EYS: variants seen among roughly 807,000 people sequenced by gnomAD.
EYS encodes the protein EGF-like photoreceptor maintenance factor.
In EYS, 250 loss-of-function variants were observed where a neutral mutation model predicts 282.1. The observed-to-expected ratio is 0.89, with a 90% CI of 0.80 to 0.98. The LOEUF is 0.98. EYS is among the 50% of genes least tolerant of loss of function. The pLI, the probability that EYS is intolerant of heterozygous loss-of-function variation, is 0.00. For missense variants in EYS, 4,016 were observed against 3,709.0 expected (o/e 1.08, Z -2.15); for synonymous variants, 1,355 against 1,282.9 (o/e 1.06, Z -1.20).
At chr6:65,605,738 C>T (rs1765764646) in intron 2 of EYS, among the ~76,000 whole-genome samples, 2 of 151,290 alleles carry the variant, frequency 1.3e-5, no homozygotes, top group South Asian at 4.2e-4. Context: ...TATTTATGGA[C>T]ATAAAAAGAT....
In EYS at chr6:64,158,831, T is replaced by G. The variant is rs549939265; in HGVS notation, c.6424+71761A>C. ...TTCTGACTTCTGCTATGTTTTGCAC[T>G]ATAGTACTTGAAGAAGAGATGGCAT... On this transcript the variant is annotated intron_variant, in intron 31 of 42. Coordinates refer to ENST00000503581, the MANE Select transcript of EYS (RefSeq NM_001142800.2). Among the ~76,000 whole-genome samples, 34 of 152,370 alleles carry G rather than the reference T, an allele frequency of 2.2e-4. No homozygotes were observed. In the East Asian group the frequency reaches 6.0e-3, roughly 27 times the overall value.
At chr6:65,237,049 G>T (rs746646642) in intron 12 of EYS, among the ~76,000 whole-genome samples, 8 of 152,006 alleles carry the variant, frequency 5.3e-5, no homozygotes, top group Non-Finnish European at 8.8e-5. Flanking sequence ...ATATTAACAC[G>T]TTTTTACATT....
intron 28 of EYS, among the ~76,000 whole-genome samples, chr6:64,411,980 T>A (rs1314314540): frequency 6.6e-6 from 1 of 151,484 alleles, no homozygotes; most frequent in Non-Finnish European, 1.5e-5. Flanking sequence ...CAAGTATATA[T>A]AAAATGATAA....
intron 26 of EYS, among the ~76,000 whole-genome samples, chr6:64,583,728 G>T (rs1324918782): frequency 6.6e-6 from 1 of 152,004 alleles, no homozygotes; most frequent in Non-Finnish European, 1.5e-5. Context: ...CTGGGAGGCA[G>T]AGGTTGCAGT....
At chr6:64,623,614 C>A (rs991845183) in intron 23 of EYS, among the ~76,000 whole-genome samples, 1 of 151,890 alleles carries the variant, frequency 6.6e-6, no homozygotes, top group African/African-American at 2.4e-5. Flanking sequence ...ATACACGAGA[C>A]AGAGGTGCTG....
At chr6:65,010,191 G>A (rs1007673274) in intron 13 of EYS, among the ~76,000 whole-genome samples, 8 of 152,296 alleles carry the variant, frequency 5.3e-5, no homozygotes, top group African/African-American at 1.9e-4. Flanking sequence ...GCAACCTGTG[G>A]CATACCTGAG....
At chr6:64,110,397 A>G (rs1239039639) in intron 31 of EYS, among the ~76,000 whole-genome samples, 2 of 152,010 alleles carry the variant, frequency 1.3e-5, no homozygotes, top group Admixed American at 1.3e-4. Context: ...GGATGGATAT[A>G]CCATGTTATA....
chr6:64,233,438 A>G (rs1385999153), intron 30 of EYS, among the ~76,000 whole-genome samples: 2 of 152,222 alleles, frequency 1.3e-5, no homozygotes, highest in East Asian at 3.8e-4. Flanking sequence ...AAATTAGTTC[A>G]CACTGCTAAA....
At chr6:64,972,435 C>T (rs1353910711) in intron 14 of EYS, among the ~76,000 whole-genome samples, 1 of 151,990 alleles carries the variant, frequency 6.6e-6, no homozygotes, top group East Asian at 1.9e-4. Flanking sequence ...CCTCTCCTTC[C>T]ACCTCTTCCA....
At chr6:64,978,185 C>G (rs1483457468) in intron 14 of EYS, among the ~76,000 whole-genome samples, 1 of 151,896 alleles carries the variant, frequency 6.6e-6, no homozygotes, top group Non-Finnish European at 1.5e-5. Context: ...CTTCAGAGGA[C>G]AAGCTGACAC....
intron 31 of EYS, among the ~76,000 whole-genome samples, chr6:64,209,769 C>T (rs1441115706): frequency 6.6e-6 from 1 of 152,126 alleles, no homozygotes; most frequent in African/African-American, 2.4e-5. Flanking sequence ...CTTGTTCTTT[C>T]TTTTCTGCTT....
intron 35 of EYS, among the ~76,000 whole-genome samples, chr6:63,901,163 C>T (rs1475435676): frequency 6.6e-6 from 1 of 151,986 alleles, no homozygotes; most frequent in Admixed American, 6.6e-5. Context: ...GAATATAAAA[C>T]CCCAGTGAAG....
chr6:65,319,876 A>C (rs1769422417), intron 11 of EYS, among the ~76,000 whole-genome samples: 1 of 152,050 alleles, frequency 6.6e-6, no homozygotes, highest in Non-Finnish European at 1.5e-5. Context: ...CTTCCTATTG[A>C]CTTCCTGGCC....
chr6:64,628,782 A>AT (rs1036887621), intron 22 of EYS, among the ~76,000 whole-genome samples: 2 of 152,188 alleles, frequency 1.3e-5, no homozygotes. Flanking sequence ...CCTAATAAAG[A>AT]TTTTTTAAAG....
At chr6:65,256,247 C>G (rs1582069537) in intron 12 of EYS, among the ~76,000 whole-genome samples, 1 of 148,420 alleles carries the variant, frequency 6.7e-6, no homozygotes, top group East Asian at 2.0e-4. Context: ...AAGCCAGGAA[C>G]AGAAAGACAA....
chr6:65,007,688 G>T (rs1771725713), intron 13 of EYS, among the ~76,000 whole-genome samples: 1 of 152,002 alleles, frequency 6.6e-6, no homozygotes, highest in Admixed American at 6.6e-5. Context: ...TCCAAAAGGA[G>T]ATAAATAAAC....
chr6:64,457,107 T>C (rs1775581166), intron 26 of EYS, among the ~76,000 whole-genome samples: 1 of 152,028 alleles, frequency 6.6e-6, no homozygotes, highest in Admixed American at 6.6e-5. Context: ...TTAAACTTCC[T>C]TTCAATTTAT....
intron 22 of EYS, among the ~76,000 whole-genome samples, chr6:64,711,028 G>A (rs896221645): frequency 6.6e-6 from 1 of 152,174 alleles, no homozygotes; most frequent in Non-Finnish European, 1.5e-5. Flanking sequence ...CCGTAAGACA[G>A]AGCTACGGAG....
chr6:65,048,861 T>C (rs1317878199), intron 13 of EYS, among the ~76,000 whole-genome samples: 1 of 151,782 alleles, frequency 6.6e-6, no homozygotes, highest in African/African-American at 2.4e-5. Context: ...AACCTAAATA[T>C]CTCCTGAAAT....
Sources: gnomAD v4.1 joint callset for allele counts (sites outside exome capture counted in the v4.1 genomes callset) on GRCh38, gnomAD v4.1.1 for gene constraint, MANE v1.5 for transcripts, NCBI Gene and HGNC (gene_info 2026-07-23, HGNC 2026-07-21) for gene names.